SLC44A4: variants seen among roughly 807,000 people sequenced by gnomAD.
The protein encoded by SLC44A4 is solute carrier family 44 member 4.
A neutral mutation model predicts 97.0 loss-of-function variants in SLC44A4; 74 were observed. The observed-to-expected ratio is 0.76, with a 90% CI of 0.63 to 0.93. The LOEUF (loss-of-function observed/expected upper bound fraction) is 0.93, where lower values mean the gene tolerates loss of function less well. Among genes scored for constraint, SLC44A4 ranks in the 40% least tolerant of loss-of-function variants. SLC44A4 has a pLI of 0.00. For missense variants in SLC44A4, 799 were observed against 902.9 expected, an observed-to-expected ratio of 0.88 and a Z score of 1.48; for synonymous variants, 325 against 363.8, an observed-to-expected ratio of 0.89 and a Z score of 1.21.
In SLC44A4 at chr6:31,874,421, G is replaced by A. The variant is rs763574954; in HGVS notation, c.529+39C>T. On this transcript the variant is annotated intron_variant, in intron 7 of 20. Coordinates refer to ENST00000229729, the MANE Select transcript of SLC44A4 (RefSeq NM_025257.3). The surrounding 1 kb of genome is among the most constrained non-coding windows in gnomAD (Gnocchi z 4.8). ...CTTCATTCAAGCAATGAAAACACTG[G>A]ACTAGATGACGTCTGAGGAAGGAAT... 2 of 1,602,680 alleles carry A rather than the reference G, an allele frequency of 1.2e-6. No homozygotes were observed. Among genetic ancestry groups the A allele is most frequent in the South Asian group, 2.2e-5 (2 of 90,876 alleles).
Position 31,874,375 on chromosome 6 carries a change from C to G in SLC44A4, c.529+85G>C. 24 of 1,428,980 alleles carry G rather than the reference C, an allele frequency of 1.7e-5. No individual in the cohort carries two copies. The highest frequency in any genetic ancestry group is 2.3e-5 in the East Asian group (1 of 43,826). 88.5% of individuals were successfully genotyped at this position (1,428,980 alleles called of 1,614,324 possible). On this transcript the variant is annotated intron_variant, in intron 7 of 20. Transcript: ENST00000229729. This position sits in a 1 kb window ranked among gnomAD's most constrained non-coding sequence, Gnocchi z 4.8. ...TTGCCACCAACAAGCTATGTGACTT[C>G]ACTCTCTCTGGGCCTGATTTCTTCA...
chr6:31,866,696 T>C (rs1038861871), intron 13 of SLC44A4, among the ~76,000 whole-genome samples: 2 of 151,982 alleles, frequency 1.3e-5, no homozygotes, highest in African/African-American at 4.8e-5. Flanking sequence ...AGTTCAAGAC[T>C]AGCTTGGCCA....
rs1462608474 is a variant in SLC44A4, at chr6:31,865,578, AGCGG to A, written c.1602_1605del (p.Arg535AlafsTer20). 22 of 1,600,232 alleles carry A rather than the reference AGCGG, an allele frequency of 1.4e-5. No homozygotes were observed. The highest frequency in any genetic ancestry group is 1.8e-5 in the Non-Finnish European group (21 of 1,170,502). On this transcript the variant is annotated frameshift_variant, in exon 16 of 21. Transcript: ENST00000229729. LOFTEE classifies it high-confidence loss of function. This position sits in a 1 kb window ranked among gnomAD's most constrained non-coding sequence, Gnocchi z 5.2. ...CAGCACTTGAAACAGCACATGATGC[AGCGG>A]GCTACAGGGTTCTGCACTCCTGGGA...
At chr6:31,873,760 T>G (rs2151567482) in intron 7 of SLC44A4, among the ~76,000 whole-genome samples, 1 of 152,024 alleles carries the variant, frequency 6.6e-6, no homozygotes, top group South Asian at 2.1e-4. Flanking sequence ...TCTAGCCTTT[T>G]CCCTGTGCAT....
In SLC44A4 at chr6:31,863,686, G is replaced by A; in HGVS notation, c.2074C>T (p.Leu692=). ...DRPYYMSKSL[L]KILGKKNEAP... ...TCGTTCTTCTTGCCCAGAATCTTTA[G>A]AAGGCTCTTGGACATGTAGTAGGGC... is the stretch of plus-strand genomic sequence containing the variant. The change falls in exon 21 of 21, where the codon CTA becomes TTA. Residue 692 remains leucine, a synonymous_variant. Transcript: ENST00000229729. The A allele has an allele frequency of 1.2e-6, 2 of 1,612,254 alleles. No individual in the cohort carries two copies. Among genetic ancestry groups the A allele is most frequent in the Non-Finnish European group, 1.7e-6 (2 of 1,179,708 alleles).
chr6:31,874,737 C>A lies in SLC44A4; in HGVS notation c.452G>T (p.Gly151Val). Residue 151 changes from glycine (G) to valine (V), a missense_variant, in exon 6 of 21, where the codon GGG becomes GTG. By Grantham distance (109) the Gly-to-Val change is moderately radical (BLOSUM62 -3). Around this residue, in one of 3 missense-constraint regions of SLC44A4, gnomAD observed 409 missense variants for 434.1 expected, o/e 0.94. Coordinates refer to ENST00000229729, the MANE Select transcript of SLC44A4 (RefSeq NM_025257.3). This position sits in a 1 kb window ranked among gnomAD's most constrained non-coding sequence, Gnocchi z 4.8. ...AATATTCACCATATTCCAGGGTACC[C>A]CTGGCAGACAAAAGTTCCTGTTTTT... is the stretch of plus-strand genomic sequence containing the variant. ...YTKNRNFCLP[G>V]VPWNMTVITS... 1 of 1,612,468 alleles carries A rather than the reference C, an allele frequency of 6.2e-7. No individual in the cohort carries two copies. The highest frequency in any genetic ancestry group is 8.5e-7 in the Non-Finnish European group (1 of 1,179,200).
At chr6:31,864,238 C>G (rs1199087320) in intron 20 of SLC44A4, among the ~76,000 whole-genome samples, 1 of 152,092 alleles carries the variant, frequency 6.6e-6, no homozygotes, top group Non-Finnish European at 1.5e-5. Context: ...CCGCGCCCAG[C>G]TAATTTTTTG....
rs1289490954 is a variant in SLC44A4, at chr6:31,876,894, C to A, written c.89+140G>T. On this transcript the variant is annotated intron_variant, in intron 2 of 20. Coordinates refer to ENST00000229729, the MANE Select transcript of SLC44A4 (RefSeq NM_025257.3). This position sits in a 1 kb window ranked among gnomAD's most constrained non-coding sequence, Gnocchi z 4.8. Reference sequence around the variant, plus strand: ...CCTGCTCCAGACACAACAATCCCCCCAGGGCACCACCCATCTGGGGCAGGA... The same window carrying A: ...CCTGCTCCAGACACAACAATCCCCCAAGGGCACCACCCATCTGGGGCAGGA... The A allele has an allele frequency of 1.2e-6, 1 of 862,562 alleles. No homozygotes were observed. The highest frequency in any genetic ancestry group is 1.8e-6 in the Non-Finnish European group (1 of 560,348). 53.4% of individuals were successfully genotyped at this position (862,562 alleles called of 1,614,324 possible).
At position 31,874,111 on chromosome 6, in the gene SLC44A4, T is replaced by C. The variant is rs978930163; in HGVS notation, c.529+349A>G. On this transcript the variant is annotated intron_variant, in intron 7 of 20. Transcript: ENST00000229729. The surrounding 1 kb of genome is among the most constrained non-coding windows in gnomAD (Gnocchi z 4.8). Reference sequence around the variant, plus strand: ...GCCTGGGCAACAGAGGAAGACTCCGTCAAAAAAAAAAAAATGTGTGTGTAG... The same window carrying C: ...GCCTGGGCAACAGAGGAAGACTCCGCCAAAAAAAAAAAAATGTGTGTGTAG... Among the ~76,000 whole-genome samples, 3 of 150,858 alleles carry C rather than the reference T, an allele frequency of 2.0e-5. No homozygotes were observed. The highest frequency in any genetic ancestry group is 4.4e-5 in the Non-Finnish European group (3 of 67,666).
rs757523398 is a variant in SLC44A4 at position 31,865,572 on chromosome 6, T to A, written c.1612A>T (p.Met538Leu). 4 of 1,599,686 alleles carry A rather than the reference T, an allele frequency of 2.5e-6. No individual in the cohort carries two copies. Among genetic ancestry groups the A allele is most frequent in the East Asian group, 2.2e-5 (1 of 44,644 alleles). ...GVQNPVARCI[M>L]CCFKCCLWCL... ...CAGAGGCAGCACTTGAAACAGCACA[T>A]GATGCAGCGGGCTACAGGGTTCTGC... Residue 538 changes from methionine (M) to leucine (L), a missense_variant, in exon 16 of 21, where the codon ATG becomes TTG. Physicochemically the swap from Met to Leu is conservative, Grantham distance 15. This residue lies in a region of SLC44A4 where 379 missense variants were observed against 438.3 expected (regional missense o/e 0.86). Transcript: ENST00000229729. The surrounding 1 kb of genome is among the most constrained non-coding windows in gnomAD (Gnocchi z 5.2).
chr6:31,869,760 C>T (rs879413277), intron 11 of SLC44A4, 123 bp from the exon 12 acceptor site: 9 of 694,942 alleles, frequency 1.3e-5, no homozygotes, highest in Admixed American at 1.1e-4. Flanking sequence ...CTGAGGCGGG[C>T]GGATCACGAG....
At chr6:31,868,281 C>T (rs918080836) in intron 13 of SLC44A4, among the ~76,000 whole-genome samples, 2 of 152,210 alleles carry the variant, frequency 1.3e-5, no homozygotes, top group Non-Finnish European at 2.9e-5. Context: ...GCTTCTCTCT[C>T]GGGTCCCCCG....
Position 31,878,963 on chromosome 6 carries a change from C to T in SLC44A4, c.18G>A (p.Arg6=). ...CACCGTAGGCCTCGTCATCCTCGTC[C>T]CGCTGCTTTCCCCCCATGGCTCAGT... MGGKQ[R]DEDDEAYGKP... is the part of the protein sequence containing the mutation. The change falls in exon 1 of 21, where the codon CGG becomes CGA. Residue 6 remains arginine (R), a synonymous_variant. Transcript: ENST00000229729. This position sits in a 1 kb window ranked among gnomAD's most constrained non-coding sequence, Gnocchi z 4.0. 6.2e-7 allele frequency: 1 copy of T among 1,613,940 alleles called. No homozygotes were observed. The highest frequency in any genetic ancestry group is 8.5e-7 in the Non-Finnish European group (1 of 1,179,966).
Position 31,865,233 on chromosome 6 carries a change from C to A in SLC44A4, c.1760+82G>T. On this transcript the variant is annotated intron_variant, in intron 17 of 20. Transcript: ENST00000229729. The surrounding 1 kb of genome is among the most constrained non-coding windows in gnomAD (Gnocchi z 5.2). ...GCACTAAACTAAGTCTAGGGCCCGA[C>A]TGAGCACAGCACACCCACGAAGCCA... The A allele has an allele frequency of 1.9e-6, 3 of 1,566,344 alleles. No individual in the cohort carries two copies. Among genetic ancestry groups the A allele is most frequent in the South Asian group, 2.2e-5 (2 of 90,114 alleles).
Position 31,875,921 on chromosome 6 carries a change from T to A in SLC44A4, c.173A>T (p.Tyr58Phe). 1 of 1,613,830 alleles carries A rather than the reference T, an allele frequency of 6.2e-7. No homozygotes were observed. The highest frequency in any genetic ancestry group is 8.5e-7 in the Non-Finnish European group (1 of 1,179,942). The change falls in exon 4 of 21, where the codon TAT (tyrosine) becomes TTT (phenylalanine). Residue 58 changes from tyrosine to phenylalanine, a missense_variant. This residue lies in a region of SLC44A4 where 409 missense variants were observed against 434.1 expected (regional missense o/e 0.94). Coordinates refer to ENST00000229729, the MANE Select transcript of SLC44A4 (RefSeq NM_025257.3). The stretch of plus-strand genomic sequence containing the variant: ...GTAGAGGACTTGCCGGGGGTCTCCA[T>A]ACAACCAGGCTGCAGACAGAGGCAC... Reference protein sequence around the residue: ...YIVVGIVAWLYGDPRQVLYPR... With the variant: ...YIVVGIVAWLFGDPRQVLYPR...
chr6:31,869,870 A>T (rs1280544884), intron 11 of SLC44A4, among the ~76,000 whole-genome samples: 1 of 152,168 alleles, frequency 6.6e-6, no homozygotes, highest in Non-Finnish European at 1.5e-5. Context: ...CTGTAGTGCC[A>T]GCTACTCCGG....
chr6:31,867,163 T>A (rs1762912689), intron 13 of SLC44A4, among the ~76,000 whole-genome samples: 1 of 151,918 alleles, frequency 6.6e-6, no homozygotes, highest in Non-Finnish European at 1.5e-5. Context: ...CACTGCAACC[T>A]CTGCCTCCCG....
Position 31,877,090 on chromosome 6 carries a change from A to T in SLC44A4, c.41-8T>A. The T allele has an allele frequency of 6.2e-7, 1 of 1,609,102 alleles. No homozygotes were observed. The highest frequency in any genetic ancestry group is 1.3e-5 in the African/African-American group (1 of 74,970). On this transcript the variant is annotated splice_polypyrimidine_tract_variant and splice_region_variant and intron_variant, in intron 1 of 20. Transcript: ENST00000229729. This position sits in a 1 kb window ranked among gnomAD's most constrained non-coding sequence, Gnocchi z 6.5. ...CGTATTTGACTGGCTTCCCTGAGGG[A>T]CATGAGAAGAGGTGTGGAGGATGAG...
chr6:31,869,435 A>T (rs1763029634), intron 12 of SLC44A4, 110 bp downstream of exon 12: 1 of 1,028,256 alleles, frequency 9.7e-7, no homozygotes, highest in Admixed American at 2.1e-5. Context: ...TGCCCAGAGA[A>T]AGGGGCACCT....
Sources: gnomAD v4.1 joint callset for allele counts (sites outside exome capture counted in the v4.1 genomes callset) on GRCh38, gnomAD v4.1.1 for gene constraint, gnomAD v4.1.1 regional missense constraint, Gnocchi (gnomAD v3.1) non-coding constraint, MANE v1.5 for transcripts, NCBI Gene and HGNC (gene_info 2026-07-23, HGNC 2026-07-21) for gene names.